Variants in SLCO3A1 observed in about 807,000 individuals in gnomAD.
SLCO3A1 encodes solute carrier organic anion transporter family member 3A1, also known as PGE1 transporter.
Under a neutral mutation model 63.1 loss-of-function variants are expected in SLCO3A1, and 27 were observed. That is an observed-to-expected ratio of 0.43 (90% confidence interval 0.32 to 0.59). SLCO3A1 has a LOEUF of 0.59. Among genes scored for constraint, SLCO3A1 ranks in the 20% least tolerant of loss-of-function variants. The pLI is 0.09. For missense variants in SLCO3A1, 773 were observed against 945.8 expected (o/e 0.82, Z 2.40); for synonymous variants, 473 against 409.9 (o/e 1.15, Z -1.86).
chr15:92,078,747 C>T (rs1273791130), intron 2 of SLCO3A1, among the ~76,000 whole-genome samples: 1 of 152,118 alleles, frequency 6.6e-6, no homozygotes, highest in Non-Finnish European at 1.5e-5. Context: ...AGTTTCCTTA[C>T]GTTAAAATGG....
intron 2 of SLCO3A1, among the ~76,000 whole-genome samples, chr15:92,024,056 C>G (rs1285274973): frequency 6.6e-6 from 1 of 152,164 alleles, no homozygotes; most frequent in Admixed American, 6.5e-5. Flanking sequence ...GAACACCCAC[C>G]ATGCCTGGGT....
At chr15:92,160,066 C>A (rs992395410) in intron 9 of SLCO3A1, among the ~76,000 whole-genome samples, 1 of 152,046 alleles carries the variant, frequency 6.6e-6, no homozygotes, top group African/African-American at 2.4e-5. Context: ...TCCTCTCTAA[C>A]CTTGGCTCCC....
chr15:92,024,976 T>G (rs866818409), intron 2 of SLCO3A1, among the ~76,000 whole-genome samples: 15 of 151,960 alleles, frequency 9.9e-5, no homozygotes, highest in African/African-American at 3.4e-4. Context: ...CATCCATCCA[T>G]CCAGCCAACC....
intron 2 of SLCO3A1, among the ~76,000 whole-genome samples, chr15:92,021,890 C>T (rs777584992): frequency 1.5e-4 from 23 of 152,178 alleles, no homozygotes; most frequent in Non-Finnish European, 2.6e-4. Flanking sequence ...TGTGCCGTTC[C>T]ACCCAGCCTA....
chr15:92,126,774 A>G (rs563214797), intron 6 of SLCO3A1, among the ~76,000 whole-genome samples: 1 of 152,244 alleles, frequency 6.6e-6, no homozygotes, highest in South Asian at 2.1e-4. Flanking sequence ...CTTTCTTCCT[A>G]GTTTTTATCC....
intron 1 of SLCO3A1, among the ~76,000 whole-genome samples, chr15:91,907,602 G>A (rs1274899898): frequency 6.6e-6 from 1 of 151,416 alleles, no homozygotes; most frequent in East Asian, 1.9e-4. Flanking sequence ...TTGGCTCACT[G>A]CAGCCTTTGC....
intron 1 of SLCO3A1, among the ~76,000 whole-genome samples, chr15:91,881,399 G>A (rs1897582414): frequency 1.3e-5 from 2 of 151,994 alleles, no homozygotes; most frequent in Admixed American, 1.3e-4. Flanking sequence ...CTGGTTTGAG[G>A]TTGATCAGGA....
At chr15:92,146,862 G>C in intron 7 of SLCO3A1, 122 bp from the exon 8 acceptor site, 1 of 845,632 alleles carries the variant, frequency 1.2e-6, no homozygotes, top group Non-Finnish European at 1.8e-6. Context: ...GTTTATTCAG[G>C]CCTAATTAAT....
chr15:92,002,500 CT>C (rs2046267416), intron 2 of SLCO3A1, among the ~76,000 whole-genome samples: 1 of 152,148 alleles, frequency 6.6e-6, no homozygotes, highest in African/African-American at 2.4e-5. Context: ...TGCTTTTTCT[CT>C]TCTGTTTTAA....
At chr15:91,973,513 C>CT (rs1900965220) in intron 2 of SLCO3A1, among the ~76,000 whole-genome samples, 1 of 152,140 alleles carries the variant, frequency 6.6e-6, no homozygotes, top group South Asian at 2.1e-4. Context: ...GGTGTATTGT[C>CT]TGAGTGTCTA....
intron 1 of SLCO3A1, among the ~76,000 whole-genome samples, chr15:91,902,386 C>T (rs1163503077): frequency 3.9e-5 from 6 of 152,028 alleles, no homozygotes; most frequent in Admixed American, 6.5e-5. Flanking sequence ...TAATGGGGAG[C>T]GCTTAAGGAT....
intron 2 of SLCO3A1, among the ~76,000 whole-genome samples, chr15:92,013,313 G>T (rs1028750383): frequency 2.0e-5 from 3 of 152,256 alleles, no homozygotes; most frequent in African/African-American, 7.2e-5. Flanking sequence ...GCTCATAGAT[G>T]TTGAGGCTTG....
At chr15:91,927,913 A>T (rs1451666570) in intron 2 of SLCO3A1, among the ~76,000 whole-genome samples, 1 of 152,196 alleles carries the variant, frequency 6.6e-6, no homozygotes, top group Non-Finnish European at 1.5e-5. Context: ...CATTTCGCCA[A>T]CCCTGGCCTC....
intron 9 of SLCO3A1, among the ~76,000 whole-genome samples, chr15:92,154,623 G>T (rs1003345028): frequency 1.4e-4 from 21 of 152,140 alleles, no homozygotes; most frequent in African/African-American, 5.1e-4. Flanking sequence ...AGTGAAGAGG[G>T]CAGGAGCTAG....
chr15:92,136,608 T>C (rs1463077591), intron 7 of SLCO3A1, among the ~76,000 whole-genome samples: 1 of 152,218 alleles, frequency 6.6e-6, no homozygotes, highest in African/African-American at 2.4e-5. Flanking sequence ...CAGTTTTCAG[T>C]GATGTGCTAT....
intron 2 of SLCO3A1, among the ~76,000 whole-genome samples, chr15:92,021,715 A>G (rs116218393): frequency 2.4e-3 from 364 of 152,294 alleles, no homozygotes; most frequent in African/African-American, 7.8e-3. Context: ...ACACAGCCCT[A>G]CCCTCAAGAA....
intron 1 of SLCO3A1, among the ~76,000 whole-genome samples, chr15:91,881,113 C>T (rs28419674): frequency 0.018 from 2,673 of 152,216 alleles, 69 homozygotes; most frequent in African/African-American, 0.059. Context: ...GGAGAAGGTA[C>T]CTTTTCTGCA....
intron 2 of SLCO3A1, among the ~76,000 whole-genome samples, chr15:92,072,048 G>A (rs1420205759): frequency 6.6e-6 from 1 of 152,182 alleles, no homozygotes; most frequent in Non-Finnish European, 1.5e-5. Context: ...GATAGCAAAG[G>A]CAACACTTGC....
At chr15:92,132,445 G>C (rs1193656617) in intron 7 of SLCO3A1, among the ~76,000 whole-genome samples, 1 of 143,796 alleles carries the variant, frequency 7.0e-6, no homozygotes, top group Non-Finnish European at 1.5e-5. Flanking sequence ...ACCAGGAAGG[G>C]TGACCAAAAA....
Sources: gnomAD v4.1 joint callset for allele counts (sites outside exome capture counted in the v4.1 genomes callset) on GRCh38, gnomAD v4.1.1 for gene constraint, MANE v1.5 for transcripts, NCBI Gene and HGNC (gene_info 2026-07-23, HGNC 2026-07-21) for gene names.